The following LRFN5 variants were observed in gnomAD, a reference collection of about 807,000 sequenced individuals.
The protein encoded by LRFN5 is leucine rich repeat and fibronectin type III domain containing 5.
In LRFN5, 24 loss-of-function variants were observed where a neutral mutation model predicts 45.6. The observed-to-expected ratio is 0.53, with a 90% CI of 0.38 to 0.74. The LOEUF (loss-of-function observed/expected upper bound fraction) is 0.74. Ranked by LOEUF, LRFN5 falls within the 30% of genes least tolerant of loss-of-function variation. The probability of loss-of-function intolerance (pLI) is 0.00; values close to 1 mark genes in which losing one functional copy is unlikely to be tolerated. For synonymous variants in LRFN5, 340 were observed against 313.8 expected, an observed-to-expected ratio of 1.08 and a Z score of -0.88; for missense variants, 776 against 861.5, an observed-to-expected ratio of 0.90 and a Z score of 1.24.
chr14:41,678,454 A>T (rs1881737003), intron 1 of LRFN5, among the ~76,000 whole-genome samples: 1 of 152,126 alleles, frequency 6.6e-6, no homozygotes, highest in Non-Finnish European at 1.5e-5. Flanking sequence ...ATAGTTGGGG[A>T]TTTCAATACC....
chr14:41,825,728 C>T lies in LRFN5; in HGVS notation c.-21+58699C>T, dbSNP rs58670476. Among the ~76,000 whole-genome samples the T allele has an allele frequency of 6.1e-3, 925 of 152,262 alleles. 13 individuals carry two copies. The highest frequency in any genetic ancestry group is 0.021 in the African/African-American group (887 of 41,556). On this transcript the variant is annotated intron_variant, in intron 2 of 5. Coordinates refer to ENST00000298119, the MANE Select transcript of LRFN5 (RefSeq NM_152447.5). ...GGATGCATACTCAGTATAGTGCCTGCCACCTCAGCCTTGGTTTGGGGGGAG... is the reference window on the plus strand; with the variant it reads ...GGATGCATACTCAGTATAGTGCCTGTCACCTCAGCCTTGGTTTGGGGGGAG...
intron 2 of LRFN5, among the ~76,000 whole-genome samples, chr14:41,830,142 T>C (rs1193468268): frequency 1.3e-5 from 2 of 151,734 alleles, no homozygotes; most frequent in African/African-American, 4.8e-5. Context: ...TTTTAACTTG[T>C]ATTATAAACT....
chr14:41,725,312 T>C (rs1160332208), intron 1 of LRFN5, among the ~76,000 whole-genome samples: 1 of 152,210 alleles, frequency 6.6e-6, no homozygotes, highest in Non-Finnish European at 1.5e-5. Flanking sequence ...GCTTTAACTC[T>C]TGTGTTTTCT....
intron 1 of LRFN5, among the ~76,000 whole-genome samples, chr14:41,655,987 T>G (rs2138628701): frequency 6.6e-6 from 1 of 152,182 alleles, no homozygotes; most frequent in Non-Finnish European, 1.5e-5. Context: ...TATACTTTTA[T>G]GTATTGTTTT....
At chr14:41,881,799 A>G (rs1594492016) in intron 2 of LRFN5, among the ~76,000 whole-genome samples, 1 of 152,156 alleles carries the variant, frequency 6.6e-6, no homozygotes, top group East Asian at 1.9e-4. Context: ...AGATATTGTT[A>G]TATTTTAGAT....
rs548541433 is a variant in LRFN5, at chr14:41,638,386, G to A, written c.-197+29824G>A. On this transcript the variant is annotated intron_variant, in intron 1 of 5. Transcript: ENST00000298119. ...GTCAATAATTAATTCTATACTGTCAGAGGGGCAGCTGTGTGTCCCAAGGAA... is the reference window on the plus strand; with the variant it reads ...GTCAATAATTAATTCTATACTGTCAAAGGGGCAGCTGTGTGTCCCAAGGAA... Among the ~76,000 whole-genome samples the A allele has an allele frequency of 6.6e-5, 10 of 152,208 alleles. No individual in the cohort carries two copies. The East Asian group carries it at 9.7e-4, about 15-fold the overall frequency.
intron 1 of LRFN5, among the ~76,000 whole-genome samples, chr14:41,622,068 C>A (rs1441935552): frequency 2.6e-5 from 4 of 151,848 alleles, no homozygotes; most frequent in Non-Finnish European, 4.4e-5. Flanking sequence ...AGAATCAATG[C>A]ACTATTTGAT....
intron 2 of LRFN5, among the ~76,000 whole-genome samples, chr14:41,791,157 T>C (rs1886905040): frequency 6.6e-6 from 1 of 151,934 alleles, no homozygotes; most frequent in African/African-American, 2.4e-5. Context: ...TTTTCCTTAA[T>C]ACCAATTTGA....
intron 2 of LRFN5, among the ~76,000 whole-genome samples, chr14:41,804,132 G>A (rs1303046071): frequency 6.6e-6 from 1 of 152,092 alleles, no homozygotes; most frequent in Admixed American, 6.6e-5. Context: ...AAGTGCTGGG[G>A]TTGCAGTCGT....
chr14:41,756,248 A>G (rs911525795), intron 1 of LRFN5, among the ~76,000 whole-genome samples: 3 of 151,934 alleles, frequency 2.0e-5, no homozygotes, highest in Non-Finnish European at 4.4e-5. Context: ...TGTGTCTTGG[A>G]GTTGCTCTTC....
chr14:41,897,661 C>T (rs1338974290), intron 4 of LRFN5, among the ~76,000 whole-genome samples: 1 of 151,994 alleles, frequency 6.6e-6, no homozygotes, highest in East Asian at 1.9e-4. Context: ...ATAACTGTTA[C>T]TTATCAGATA....
chr14:41,818,871 C>A (rs1411151911), intron 2 of LRFN5, among the ~76,000 whole-genome samples: 1 of 152,106 alleles, frequency 6.6e-6, no homozygotes, highest in African/African-American at 2.4e-5. Context: ...TAGATAATTT[C>A]TCATCCCTCA....
intron 2 of LRFN5, among the ~76,000 whole-genome samples, chr14:41,858,199 T>C (rs1050119567): frequency 6.6e-6 from 1 of 152,116 alleles, no homozygotes; most frequent in African/African-American, 2.4e-5. Flanking sequence ...TATCTTCACC[T>C]GTTAGTGAGC....
At chr14:41,858,770 C>CA (rs1293888553) in intron 2 of LRFN5, among the ~76,000 whole-genome samples, 10 of 152,016 alleles carry the variant, frequency 6.6e-5, no homozygotes, top group South Asian at 2.1e-4. Flanking sequence ...CACCACTACA[C>CA]AAAAAAAATC....
intron 1 of LRFN5, among the ~76,000 whole-genome samples, chr14:41,737,279 AG>A (rs1482309494): frequency 1.3e-5 from 2 of 152,200 alleles, no homozygotes; most frequent in Non-Finnish European, 2.9e-5. Context: ...GATGCTGAAA[AG>A]GTTTTTGATA....
rs563136379 is a variant in LRFN5 at position 41,704,725 on chromosome 14, T to C, written c.-196-62129T>C. On this transcript the variant is annotated intron_variant, in intron 1 of 5. Transcript: ENST00000298119. ...GAGGTGTTTCTTAGCTTTGTGTTTT[T>C]TTGAAAGTGAAGGATCATGCCACTT... 3.9e-5 allele frequency among the ~76,000 whole-genome samples: 6 copies of C among 152,270 alleles called. No homozygotes were observed. In the East Asian group the frequency reaches 1.2e-3, roughly 29 times the overall value.
At chr14:41,782,434 C>T (rs988040671) in intron 2 of LRFN5, among the ~76,000 whole-genome samples, 1 of 152,098 alleles carries the variant, frequency 6.6e-6, no homozygotes, top group African/African-American at 2.4e-5. Flanking sequence ...TCTGCTCTTG[C>T]ATGATGTCTT....
At chr14:41,825,000 G>A (rs566540140) in intron 2 of LRFN5, among the ~76,000 whole-genome samples, 2 of 152,272 alleles carry the variant, frequency 1.3e-5, no homozygotes, top group South Asian at 2.1e-4. Flanking sequence ...ATGCTGCACC[G>A]TAGTTAATGG....
At chr14:41,623,230 G>T (rs1382135644) in intron 1 of LRFN5, among the ~76,000 whole-genome samples, 1 of 152,014 alleles carries the variant, frequency 6.6e-6, no homozygotes, top group Non-Finnish European at 1.5e-5. Flanking sequence ...ACCTCCTGTG[G>T]TGATACAGTT....
Sources: allele counts gnomAD v4.1 joint callset (sites outside exome capture counted in the v4.1 genomes callset), GRCh38; gene constraint gnomAD v4.1.1; transcripts MANE v1.5; gene names NCBI Gene and HGNC (gene_info 2026-07-23, HGNC 2026-07-21).